Variants in PREX2 observed in about 807,000 individuals in gnomAD.
The protein encoded by PREX2 is phosphatidylinositol 3,4,5-trisphosphate-dependent Rac exchanger 2 protein.
Under a neutral mutation model 203.2 loss-of-function variants are expected in PREX2, and 107 were observed. That is an observed-to-expected ratio of 0.53 (90% CI 0.45 to 0.62). The LOEUF (loss-of-function observed/expected upper bound fraction) is 0.62. Among genes scored for constraint, PREX2 ranks in the 20% least tolerant of loss-of-function variants. The pLI is 0.00. For synonymous variants in PREX2, 672 were observed against 663.6 expected (o/e 1.01, Z -0.19); for missense variants, 1,777 against 1,955.9 (o/e 0.91, Z 1.72).
At chr8:68,171,705 T>C (rs988303828) in intron 35 of PREX2, among the ~76,000 whole-genome samples, 1 of 152,132 alleles carries the variant, frequency 6.6e-6, no homozygotes, top group African/African-American at 2.4e-5. Flanking sequence ...ATCCCTTGTC[T>C]GACAACAAAC....
intron 15 of PREX2, among the ~76,000 whole-genome samples, chr8:68,078,283 A>G (rs1371786648): frequency 6.6e-6 from 1 of 152,130 alleles, no homozygotes; most frequent in Non-Finnish European, 1.5e-5. Flanking sequence ...CTCCCACCTC[A>G]GCCTCCGGAG....
At chr8:68,097,326 C>T (rs1585788053) in intron 22 of PREX2, 125 bp downstream of exon 22, 8 of 574,476 alleles carry the variant, frequency 1.4e-5, no homozygotes, top group Admixed American at 3.5e-5. Context: ...ATTCAAACTT[C>T]TTTTTTTTTT....
Position 68,044,556 on chromosome 8 carries a change from G to A in PREX2, c.909G>A (p.Glu303=), listed in dbSNP as rs1304223483. The A allele has an allele frequency of 6.2e-7, 1 of 1,613,054 alleles. No individual in the cohort carries two copies. The highest frequency in any genetic ancestry group is 1.7e-5 in the Admixed American group (1 of 59,966). Reference sequence around the variant, plus strand: ...TTTTTCGTGGCCGGATCAACACGGAGGTGATGGAAGTGGAGAATGTGGATG... The same window carrying A: ...TTTTTCGTGGCCGGATCAACACGGAAGTGATGGAAGTGGAGAATGTGGATG... ...RYLFRGRINT[E]VMEVENVDDG... The change falls in exon 8 of 40, where the codon GAG becomes GAA. Residue 303 remains glutamate, a synonymous_variant. Transcript: ENST00000288368.
intron 23 of PREX2, among the ~76,000 whole-genome samples, chr8:68,106,568 T>TAA (rs1810417583): frequency 6.6e-6 from 1 of 152,180 alleles, no homozygotes; most frequent in Non-Finnish European, 1.5e-5. Context: ...AGACATAGTT[T>TAA]AATACACACA....
intron 1 of PREX2, among the ~76,000 whole-genome samples, chr8:67,989,504 A>G (rs575710370): frequency 2.0e-5 from 3 of 152,210 alleles, no homozygotes; most frequent in African/African-American, 4.8e-5. Context: ...ATACATTACT[A>G]TAATTTGATA....
intron 25 of PREX2, among the ~76,000 whole-genome samples, chr8:68,111,598 A>G (rs1426178735): frequency 1.3e-5 from 2 of 152,124 alleles, no homozygotes; most frequent in African/African-American, 2.4e-5. Flanking sequence ...CCTCTACCCA[A>G]CTGAGTGTGT....
chr8:68,210,683 C>T (rs1812726152), intron 37 of PREX2, among the ~76,000 whole-genome samples: 2 of 152,114 alleles, frequency 1.3e-5, no homozygotes, highest in Admixed American at 1.3e-4. Flanking sequence ...CAGTTTGAAT[C>T]AATATTAAAT....
At position 68,058,698 on chromosome 8, in the gene PREX2, A is replaced by G. The variant is rs568849648; in HGVS notation, c.1239-1981A>G. Among the ~76,000 whole-genome samples the G allele has an allele frequency of 1.2e-3, 186 of 152,144 alleles. 1 individual carries two copies. The highest frequency in any genetic ancestry group is 1.9e-3 in the Non-Finnish European group (131 of 68,002). The stretch of plus-strand genomic sequence containing the variant: ...GATCCATCTGCCTCCGCCTCCCAAA[A>G]TGCTGGGATTATAGGCATGAGCCAC... On this transcript the variant is annotated intron_variant, in intron 10 of 39. Coordinates refer to ENST00000288368, the MANE Select transcript of PREX2 (RefSeq NM_024870.4).
chr8:68,021,322 T>C (rs1807562500), intron 3 of PREX2, among the ~76,000 whole-genome samples: 1 of 152,232 alleles, frequency 6.6e-6, no homozygotes, highest in Non-Finnish European at 1.5e-5. Context: ...TACATAGGAC[T>C]GTCAGTCCTT....
chr8:68,001,524 A>G (rs2129609744), intron 1 of PREX2, among the ~76,000 whole-genome samples: 1 of 152,296 alleles, frequency 6.6e-6, no homozygotes, highest in East Asian at 1.9e-4. Flanking sequence ...ACCCTTATGA[A>G]AAGCAGTGTG....
intron 7 of PREX2, among the ~76,000 whole-genome samples, chr8:68,040,666 A>G (rs181227078): frequency 6.6e-6 from 1 of 152,196 alleles, no homozygotes; most frequent in African/African-American, 2.4e-5. Flanking sequence ...AATATCGGGA[A>G]AGCACTTGTC....
chr8:68,089,969 A>G (rs920860531), intron 19 of PREX2, among the ~76,000 whole-genome samples: 2 of 152,184 alleles, frequency 1.3e-5, no homozygotes, highest in Middle Eastern at 6.3e-3. Context: ...ATCTATATCA[A>G]TGCAAACAAA....
At chr8:68,204,882 C>G (rs895206618) in intron 37 of PREX2, among the ~76,000 whole-genome samples, 2 of 151,526 alleles carry the variant, frequency 1.3e-5, no homozygotes, top group African/African-American at 2.4e-5. Flanking sequence ...GGGGTTTCAC[C>G]GTGTTAGCCA....
chr8:67,965,154 C>CAGGCAAGCACTCAGGAGCCAA, intron 1 of PREX2, among the ~76,000 whole-genome samples: 1 of 152,162 alleles, frequency 6.6e-6, no homozygotes, highest in Non-Finnish European at 1.5e-5. Context: ...GGGTTAGAGC[C>CAGGCAAGCACTCAGGAGCCAA]AGGCAAGCAC....
chr8:68,113,805 TAGAATTTG>T (rs1363971440), intron 25 of PREX2, among the ~76,000 whole-genome samples: 1 of 152,184 alleles, frequency 6.6e-6, no homozygotes, highest in Non-Finnish European at 1.5e-5. Flanking sequence ...CTTCTCTCAG[TAGAATTTG>T]AGCTCCAAGA....
intron 10 of PREX2, among the ~76,000 whole-genome samples, chr8:68,057,447 T>A (rs1808714671): frequency 6.6e-6 from 1 of 152,054 alleles, no homozygotes; most frequent in Admixed American, 6.6e-5. Flanking sequence ...AACTCAGAAA[T>A]CTATAGGCCA....
chr8:68,019,480 A>G, intron 2 of PREX2, 69 bp from the exon 3 acceptor site: 3 of 1,263,258 alleles, frequency 2.4e-6, no homozygotes, highest in Non-Finnish European at 3.3e-6. Context: ...GAGAGAGAAT[A>G]CTATGCTATC....
intron 37 of PREX2, among the ~76,000 whole-genome samples, chr8:68,216,648 G>A (rs1280777487): frequency 6.6e-6 from 1 of 151,972 alleles, no homozygotes; most frequent in Non-Finnish European, 1.5e-5. Flanking sequence ...GATCAATGTG[G>A]AAGAACATAA....
At chr8:68,048,208 T>C (rs76561330) in intron 8 of PREX2, among the ~76,000 whole-genome samples, 2,263 of 152,162 alleles carry the variant, frequency 0.015, 49 homozygotes, top group African/African-American at 0.052. Context: ...TTGATCATGA[T>C]GCTATAAAGA....
Sources: allele counts gnomAD v4.1 joint callset (sites outside exome capture counted in the v4.1 genomes callset), GRCh38; gene constraint gnomAD v4.1.1; transcripts MANE v1.5; gene names NCBI Gene and HGNC (gene_info 2026-07-23, HGNC 2026-07-21).